The following CNKSR2 variants were observed in gnomAD, a reference collection of about 807,000 sequenced individuals.
CNKSR2 encodes the protein CNK homolog protein 2.
CNKSR2 carries 14 observed loss-of-function variants against 84.4 expected under a neutral mutation model. That is an observed-to-expected ratio of 0.17 (90% CI 0.11 to 0.26). The LOEUF is 0.26. Ranked by LOEUF, CNKSR2 falls within the 10% of genes least tolerant of loss-of-function variation. The pLI is 1.00. For missense variants in CNKSR2, 485 were observed against 771.2 expected (o/e 0.63, Z 4.40); for synonymous variants, 275 against 277.9 (o/e 0.99, Z 0.10).
chrX:21,496,466 ATTTG>A (rs2091501299), intron 6 of CNKSR2, among the ~76,000 whole-genome samples: 1 of 111,580 alleles, frequency 9.0e-6, no homozygotes, highest in Admixed American at 9.5e-5. Flanking sequence ...TGTTAAGGTT[ATTTG>A]TTTTATATAA....
chrX:21,532,212 G>A (rs971446942), intron 11 of CNKSR2, 145 bp downstream of exon 11: 1 of 376,935 alleles, frequency 2.7e-6, no homozygotes, highest in Admixed American at 4.9e-5. Context: ...GTGCTTCTAA[G>A]TGGAATTTCT....
chrX:21,563,444 C>T lies in CNKSR2; in HGVS notation c.1600C>T (p.Leu534=), dbSNP rs1375934900. The T allele has an allele frequency of 8.4e-7, 1 of 1,195,967 alleles. No homozygotes were observed. The highest frequency in any genetic ancestry group is 1.1e-6 in the Non-Finnish European group (1 of 884,205). ...GGGCACTCCTGTGCCAGAGACCACA[C>T]TATACCATGTAAGTAAAATTTCAAA... ...IMGTPVPETT[L]YHTFQQSSLQ... is the part of the protein sequence containing the mutation. Residue 534 remains leucine (L), a synonymous_variant, in exon 13 of 22, where the codon CTA becomes TTA. Transcript: ENST00000379510.
At chrX:21,575,508 A>G (rs942515250) in intron 13 of CNKSR2, among the ~76,000 whole-genome samples, 3 of 111,218 alleles carry the variant, frequency 2.7e-5, no homozygotes, top group Admixed American at 9.6e-5. Flanking sequence ...GAGTACACAC[A>G]TTTTATTTTA....
chrX:21,510,941 A>T (rs2147084964), intron 8 of CNKSR2, among the ~76,000 whole-genome samples: 1 of 112,088 alleles, frequency 8.9e-6, no homozygotes, highest in South Asian at 3.7e-4. Context: ...ATTATAGCTA[A>T]TAATAAGACA....
At chrX:21,425,318 A>G (rs944927747) in intron 1 of CNKSR2, 2 of 111,581 alleles carry the variant, frequency 1.8e-5, no homozygotes, top group African/African-American at 6.5e-5. Context: ...ACTAATGGAG[A>G]ATGAAAGAAA....
intron 13 of CNKSR2, among the ~76,000 whole-genome samples, chrX:21,589,170 A>G (rs1361169258): frequency 8.9e-6 from 1 of 112,433 alleles, no homozygotes; most frequent in Non-Finnish European, 1.9e-5. Context: ...ACATATTTAT[A>G]ATGCTTTAAC....
At chrX:21,638,951 G>T (rs903826378) in intron 20 of CNKSR2, among the ~76,000 whole-genome samples, 1 of 111,647 alleles carries the variant, frequency 9.0e-6, no homozygotes. Context: ...CAAAGTGCTG[G>T]GATTACAGGC....
At chrX:21,568,124 C>CA (rs1208276045) in intron 13 of CNKSR2, among the ~76,000 whole-genome samples, 1 of 110,506 alleles carries the variant, frequency 9.0e-6, no homozygotes, top group African/African-American at 3.3e-5. Context: ...CCCATCTCTA[C>CA]AAAAAATACA....
At chrX:21,628,406 A>G (rs1475902144) in intron 20 of CNKSR2, among the ~76,000 whole-genome samples, 3 of 110,677 alleles carry the variant, frequency 2.7e-5, no homozygotes, top group African/African-American at 9.9e-5. Flanking sequence ...CCCAGTAGGG[A>G]CTCTGTGTGG....
chrX:21,377,249 A>T (rs1483755446), intron 1 of CNKSR2, among the ~76,000 whole-genome samples: 2 of 112,100 alleles, frequency 1.8e-5, no homozygotes, highest in East Asian at 5.5e-4. Context: ...ATTTGATTTG[A>T]GATATTATCA....
chrX:21,478,359 T>C (rs2091281035), intron 5 of CNKSR2, among the ~76,000 whole-genome samples: 1 of 111,879 alleles, frequency 8.9e-6, no homozygotes, highest in Admixed American at 9.5e-5. Context: ...GAAATCCAGA[T>C]ATAACATGAT....
At chrX:21,516,065 T>A (rs1353529249) in intron 8 of CNKSR2, among the ~76,000 whole-genome samples, 1 of 111,636 alleles carries the variant, frequency 9.0e-6, no homozygotes, top group Non-Finnish European at 1.9e-5. Context: ...AAGATGGTGA[T>A]GAGAAAGCAT....
intron 4 of CNKSR2, among the ~76,000 whole-genome samples, chrX:21,456,105 A>G (rs763988650): frequency 1.3e-4 from 14 of 111,783 alleles, no homozygotes; most frequent in Non-Finnish European, 2.3e-4. Flanking sequence ...GTACATATTT[A>G]AGACATACAA....
At chrX:21,652,008 C>T (rs1056762522) in intron 21 of CNKSR2, among the ~76,000 whole-genome samples, 14 of 112,167 alleles carry the variant, frequency 1.2e-4, no homozygotes, top group African/African-American at 4.5e-4. Context: ...TGTTTAAGCA[C>T]AGCTTGAAGA....
chrX:21,627,594 C>T (rs761757152), intron 20 of CNKSR2, among the ~76,000 whole-genome samples: 6 of 111,835 alleles, frequency 5.4e-5, no homozygotes, highest in East Asian at 2.8e-4. Context: ...TGGCAGAAGG[C>T]GAGGAGGAGC....
chrX:21,498,815 A>ATT (rs367630639), intron 7 of CNKSR2, among the ~76,000 whole-genome samples: 6 of 108,330 alleles, frequency 5.5e-5, no homozygotes, highest in African/African-American at 1.7e-4. Flanking sequence ...CTTTGAATGT[A>ATT]TTTTTTTTTT....
At chrX:21,488,017 CTT>C (rs757688792) in intron 5 of CNKSR2, among the ~76,000 whole-genome samples, 39 of 112,409 alleles carry the variant, frequency 3.5e-4, no homozygotes, top group African/African-American at 9.7e-4. Flanking sequence ...GGGGAATGAT[CTT>C]CCTGTTGGCA....
chrX:21,619,284 A>T (rs1289718469), intron 20 of CNKSR2, among the ~76,000 whole-genome samples: 1 of 112,125 alleles, frequency 8.9e-6, no homozygotes, highest in African/African-American at 3.2e-5. Context: ...TATAATTGAG[A>T]AGGCACTTCT....
At chrX:21,595,070 G>C (rs2092443928) in intron 16 of CNKSR2, 23 bp downstream of exon 16, 1 of 1,097,483 alleles carries the variant, frequency 9.1e-7, no homozygotes, top group African/African-American at 1.8e-5. Flanking sequence ...TATTTGGGAA[G>C]AGGGAACGAT....
Sources: gnomAD v4.1 joint callset for allele counts (sites outside exome capture counted in the v4.1 genomes callset) on GRCh38, gnomAD v4.1.1 for gene constraint, MANE v1.5 for transcripts, NCBI Gene and HGNC (gene_info 2026-07-23, HGNC 2026-07-21) for gene names.